GLS: variants seen among roughly 807,000 people sequenced by gnomAD.
GLS encodes glutaminase.
In GLS, 36 loss-of-function variants were observed where a neutral mutation model predicts 86.7. The observed-to-expected ratio is 0.42, with a 90% confidence interval of 0.32 to 0.55. GLS has a LOEUF of 0.55. Among genes scored for constraint, GLS ranks in the 20% least tolerant of loss-of-function variants. The pLI, the probability that GLS is intolerant of heterozygous loss-of-function variation, is 0.17. For missense variants in GLS, 528 were observed against 833.4 expected (o/e 0.63, Z 4.51); for synonymous variants, 317 against 305.9 (o/e 1.04, Z -0.38).
At chr2:190,918,599 T>C (rs1384583764) in intron 7 of GLS, among the ~76,000 whole-genome samples, 2 of 152,192 alleles carry the variant, frequency 1.3e-5, no homozygotes, top group African/African-American at 4.8e-5. Flanking sequence ...AGTTCCATTT[T>C]TAATTTCCTT....
rs1196899776 is a variant in GLS at position 190,956,955 on chromosome 2, G to T, written c.1853+2137G>T. The stretch of plus-strand genomic sequence containing the variant: ...CCTGTGATTTTTGCACATTGATTTT[G>T]TATCTTGAGACTTTGCTGAAGTTGC... On this transcript the variant is annotated intron_variant, in intron 17 of 17. Coordinates refer to ENST00000320717, the MANE Select transcript of GLS (RefSeq NM_014905.5). The surrounding 1 kb of genome is among the most constrained non-coding windows in gnomAD (Gnocchi z 4.2). Among the ~76,000 whole-genome samples the T allele has an allele frequency of 1.3e-5, 2 of 152,176 alleles. No individual in the cohort carries two copies. The highest frequency in any genetic ancestry group is 2.4e-5 in the African/African-American group (1 of 41,454).
chr2:190,914,507 TC>T lies in GLS; in HGVS notation c.1038+4187del, dbSNP rs1330070230. Among the ~76,000 whole-genome samples, 8 of 152,208 alleles carry T rather than the reference TC, an allele frequency of 5.3e-5. No homozygotes were observed. The highest frequency in any genetic ancestry group is 1.9e-4 in the African/African-American group (8 of 41,546). On this transcript the variant is annotated intron_variant, in intron 7 of 17. Coordinates refer to ENST00000320717, the MANE Select transcript of GLS (RefSeq NM_014905.5). This position sits in a 1 kb window ranked among gnomAD's most constrained non-coding sequence, Gnocchi z 4.4. ...TCTGTTACTTTATTTTTAGGGTTGA[TC>T]TATGAAAATACTAGATCTAGAAAAA...
intron 5 of GLS, among the ~76,000 whole-genome samples, chr2:190,903,624 C>G (rs1171670459): frequency 1.3e-5 from 2 of 152,236 alleles, no homozygotes; most frequent in East Asian, 1.9e-4. Flanking sequence ...TTTTTCTCTT[C>G]TTAAACATTC....
intron 11 of GLS, among the ~76,000 whole-genome samples, chr2:190,926,277 C>G (rs1689891375): frequency 6.6e-6 from 1 of 152,196 alleles, no homozygotes; most frequent in African/African-American, 2.4e-5. Context: ...GACCTTATCA[C>G]AAATCTTTGC....
intron 14 of GLS, among the ~76,000 whole-genome samples, chr2:190,948,046 G>A (rs1440093337): frequency 6.6e-6 from 1 of 152,212 alleles, no homozygotes; most frequent in Non-Finnish European, 1.5e-5. Flanking sequence ...AAACTTAAAA[G>A]TATAGGGGGC....
Position 190,954,670 on chromosome 2 carries a change from G to T in GLS, c.1789+10G>T. ...GTAGCTGCTGCAGAGGGTAATACAG[G>T]AACTACTCCTATCTATTTTCTTTCC... is the stretch of plus-strand genomic sequence containing the variant. On this transcript the variant is annotated intron_variant, in intron 16 of 17. Transcript: ENST00000320717. This position sits in a 1 kb window ranked among gnomAD's most constrained non-coding sequence, Gnocchi z 4.0. The T allele has an allele frequency of 6.2e-7, 1 of 1,607,818 alleles. No homozygotes were observed. Among genetic ancestry groups the T allele is most frequent in the Non-Finnish European group, 8.5e-7 (1 of 1,174,290 alleles).
intron 6 of GLS, among the ~76,000 whole-genome samples, chr2:190,908,520 A>T (rs1015215821): frequency 6.6e-6 from 1 of 152,258 alleles, no homozygotes; most frequent in Non-Finnish European, 1.5e-5. Flanking sequence ...TTTTGTCAGT[A>T]TAACACGCTC....
chr2:190,908,590 C>T (rs966528939), intron 6 of GLS, among the ~76,000 whole-genome samples: 9 of 152,166 alleles, frequency 5.9e-5, no homozygotes, highest in African/African-American at 2.2e-4. Flanking sequence ...TTCTGCCATT[C>T]AAAACTTTTT....
At chr2:190,917,605 A>C (rs1293916195) in intron 7 of GLS, among the ~76,000 whole-genome samples, 1 of 152,162 alleles carries the variant, frequency 6.6e-6, no homozygotes, top group African/African-American at 2.4e-5. Flanking sequence ...TATTGCAGCT[A>C]TTGCCTTATG....
chr2:190,886,580 C>CTGAAGATATTTGTGGGTTTCTT (rs1200185683), intron 1 of GLS, among the ~76,000 whole-genome samples: 1 of 152,120 alleles, frequency 6.6e-6, no homozygotes, highest in Admixed American at 6.5e-5. Context: ...AAGAAATTTG[C>CTGAAGATATTTGTGGGTTTCTT]TGAAGATATT....
intron 14 of GLS, among the ~76,000 whole-genome samples, chr2:190,941,593 T>TA (rs1690433465): frequency 6.6e-6 from 1 of 151,974 alleles, no homozygotes; most frequent in Non-Finnish European, 1.5e-5. Context: ...GGTGGTTAAA[T>TA]ATGGTTGGTT....
chr2:190,931,511 A>C (rs779007882), intron 13 of GLS, 34 bp from the exon 14 acceptor site: 2 of 989,600 alleles, frequency 2.0e-6, no homozygotes, highest in East Asian at 5.0e-5. Flanking sequence ...TGAATAGCCA[A>C]TTTCTTATAC....
At chr2:190,937,454 A>G (rs1690304175) in intron 14 of GLS, among the ~76,000 whole-genome samples, 1 of 151,384 alleles carries the variant, frequency 6.6e-6, no homozygotes, top group South Asian at 2.1e-4. Context: ...GCAAAATGTG[A>G]TGTTTCGTAG....
Position 190,949,116 on chromosome 2 carries a change from C to G in GLS, c.1651-4449C>G, listed in dbSNP as rs1432377825. 6.6e-6 allele frequency among the ~76,000 whole-genome samples: 1 copy of G among 152,074 alleles called. No individual in the cohort carries two copies. Among genetic ancestry groups the G allele is most frequent in the Non-Finnish European group, 1.5e-5 (1 of 67,990 alleles). On this transcript the variant is annotated intron_variant, in intron 14 of 17. Transcript: ENST00000320717. This position sits in a 1 kb window ranked among gnomAD's most constrained non-coding sequence, Gnocchi z 4.0. ...AAGAGCATAGACACCAAGACAAAAA[C>G]AAGGGCAGTAAGACCAATTTTGCTC...
chr2:190,924,829 C>G lies in GLS; in HGVS notation c.1248+236C>G. ...ACTTGTGAGGCTGAGGCAGGAGAAT[C>G]CCTTGAACCTGGAAGGCCGAGGTTG... On this transcript the variant is annotated intron_variant, in intron 11 of 17. Coordinates refer to ENST00000320717, the MANE Select transcript of GLS (RefSeq NM_014905.5). The surrounding 1 kb of genome is among the most constrained non-coding windows in gnomAD (Gnocchi z 5.2). The G allele has an allele frequency of 2.6e-6, 1 of 383,010 alleles. No individual in the cohort carries two copies. The highest frequency in any genetic ancestry group is 4.8e-6 in the Non-Finnish European group (1 of 208,188). The allele number at this position is 383,010 out of a possible 1,614,324, so 23.7% of individuals were successfully genotyped here.
intron 1 of GLS, among the ~76,000 whole-genome samples, chr2:190,891,031 A>ATT (rs11368612): frequency 0.011 from 1,689 of 149,738 alleles, 19 homozygotes; most frequent in African/African-American, 0.028. Context: ...CTTAGTAAGG[A>ATT]TTTTTTTTTT....
In GLS at chr2:190,895,162, CAG is replaced by C. The variant is rs751387999; in HGVS notation, c.398_399del (p.Gln133ArgfsTer5). On this transcript the variant is annotated frameshift_variant, in exon 2 of 18. Transcript: ENST00000320717. LOFTEE classifies it high-confidence loss of function. This position sits in a 1 kb window ranked among gnomAD's most constrained non-coding sequence, Gnocchi z 4.2. ...TTTCTACCTCTTTAGTAAAATAAAA[CAG>C]GGTCTGTTACCTAGCTTGGAAGATT... ...LVASGENKIK[Q>X]GLLPSLEDLL... 3 of 1,468,850 alleles carry C rather than the reference CAG, an allele frequency of 2.0e-6. No homozygotes were observed. Among genetic ancestry groups the C allele is most frequent in the Non-Finnish European group, 2.8e-6 (3 of 1,053,642 alleles). The allele number at this position is 1,468,850 out of a possible 1,614,324, so 91.0% of individuals were successfully genotyped here.
At chr2:190,959,554 G>C (rs1690949196) in intron 17 of GLS, among the ~76,000 whole-genome samples, 1 of 152,080 alleles carries the variant, frequency 6.6e-6, no homozygotes, top group Admixed American at 6.5e-5. Context: ...TGCAGTTGCT[G>C]GTTACCCCTC....
At chr2:190,899,793 C>G (rs1407233604) in intron 3 of GLS, among the ~76,000 whole-genome samples, 1 of 152,092 alleles carries the variant, frequency 6.6e-6, no homozygotes, top group Non-Finnish European at 1.5e-5. Flanking sequence ...AAGCAGAATA[C>G]AGTTCAAATT....
Sources: gnomAD v4.1 joint callset for allele counts (sites outside exome capture counted in the v4.1 genomes callset) on GRCh38, gnomAD v4.1.1 for gene constraint, Gnocchi (gnomAD v3.1) non-coding constraint, MANE v1.5 for transcripts, NCBI Gene and HGNC (gene_info 2026-07-23, HGNC 2026-07-21) for gene names.